The following OR4D1 variants were observed in gnomAD, a reference collection of about 807,000 sequenced individuals.
OR4D1 encodes the protein olfactory receptor 4D1.
In OR4D1, 10 loss-of-function variants were observed where a neutral mutation model predicts 14.2. The observed-to-expected ratio is 0.71, with a 90% CI of 0.44 to 1.20. The LOEUF (loss-of-function observed/expected upper bound fraction) is 1.20, where lower values mean the gene tolerates loss of function less well. Ranked by LOEUF, OR4D1 falls within the 50% of genes most tolerant of loss-of-function variation. The probability of loss-of-function intolerance (pLI) is 0.00; values close to 1 mark genes in which losing one functional copy is unlikely to be tolerated. For synonymous variants in OR4D1, 141 were observed against 147.4 expected (o/e 0.96, Z 0.32); for missense variants, 345 against 376.6 (o/e 0.92, Z 0.70).
chr17:58,151,134 A>G (rs1302325389), intron 2 of OR4D1, among the ~76,000 whole-genome samples: 1 of 152,156 alleles, frequency 6.6e-6, no homozygotes, highest in African/African-American at 2.4e-5. Context: ...ACTATAGTTT[A>G]TCAAAATATT....
chr17:58,153,434 T>C (rs192264455), intron 2 of OR4D1, among the ~76,000 whole-genome samples: 37 of 152,366 alleles, frequency 2.4e-4, no homozygotes, highest in Non-Finnish European at 2.8e-4. Context: ...TTTGCACAAA[T>C]ATCTGAGGAT....
rs1397973628 is a variant in OR4D1 at position 58,155,149 on chromosome 17, A to T, written c.-5A>T. On this transcript the variant is annotated 5_prime_UTR_variant, in exon 4 of 4. Transcript: ENST00000268912. ...TTTCTCTGTAGGAACGTGGGGGAAG[A>T]TCCTATGGAACCACAGAACACCACA... The T allele has an allele frequency of 6.3e-7, 1 of 1,598,212 alleles. No individual in the cohort carries two copies. Among genetic ancestry groups the T allele is most frequent in the Non-Finnish European group, 8.6e-7 (1 of 1,169,580 alleles).
chr17:58,156,768 C>G lies in OR4D1; in HGVS notation c.*682C>G. On this transcript the variant is annotated 3_prime_UTR_variant, in exon 4 of 4. Transcript: ENST00000268912. ...AATGGGATTTGAAACTCAAGAGTTT[C>G]CTGCGACCACAAGAGAAAACCTAGA... 2 of 187,136 alleles carry G rather than the reference C, an allele frequency of 1.1e-5. No individual in the cohort carries two copies. The highest frequency in any genetic ancestry group is 2.2e-5 in the Non-Finnish European group (2 of 90,748). 11.6% of individuals were successfully genotyped at this position (187,136 alleles called of 1,614,324 possible).
Position 58,156,970 on chromosome 17 carries a change from G to A in OR4D1, c.*884G>A, listed in dbSNP as rs1967783062. On this transcript the variant is annotated 3_prime_UTR_variant, in exon 4 of 4. Transcript: ENST00000268912. ...CAAAAAAAGTTTGAGTCGCCGCTGC[G>A]GGTTGCTAGCGGAGTCGCGCGTCGG... 7 of 706,206 alleles carry A rather than the reference G, an allele frequency of 9.9e-6. No homozygotes were observed. Among genetic ancestry groups the A allele is most frequent in the Admixed American group, 4.2e-5 (2 of 47,736 alleles). 43.7% of individuals were successfully genotyped at this position (706,206 alleles called of 1,614,324 possible). A position where few individuals can be genotyped will look rare whatever the true frequency, so the allele number is the denominator to read the frequency against.
At position 58,157,179 on chromosome 17, in the gene OR4D1, G is replaced by T; in HGVS notation, c.*1093G>T. On this transcript the variant is annotated 3_prime_UTR_variant, in exon 4 of 4. Transcript: ENST00000268912. Reference sequence around the variant, plus strand: ...CGTGTCGGACAAGAAGCCGCCCAAGGAGGCATCCCCAGTGCCGGCCAAAAG... The same window carrying T: ...CGTGTCGGACAAGAAGCCGCCCAAGTAGGCATCCCCAGTGCCGGCCAAAAG... 1 of 1,464,444 alleles carries T rather than the reference G, an allele frequency of 6.8e-7. No homozygotes were observed. The highest frequency in any genetic ancestry group is 9.0e-7 in the Non-Finnish European group (1 of 1,105,318). 90.7% of individuals were successfully genotyped at this position (1,464,444 alleles called of 1,614,324 possible).
chr17:58,153,822 C>G (rs544975326), intron 2 of OR4D1, among the ~76,000 whole-genome samples, 35 bp from the exon 3 acceptor site: 1 of 152,258 alleles, frequency 6.6e-6, no homozygotes, highest in South Asian at 2.1e-4. Flanking sequence ...AGAATCATGT[C>G]TCCCTTCATG....
In OR4D1 at chr17:58,157,882, A is replaced by T; in HGVS notation, c.*1796A>T. On this transcript the variant is annotated 3_prime_UTR_variant, in exon 4 of 4. Transcript: ENST00000268912. ...TCTCCCTCTCCAAGAAGGCAGGACC[A>T]GCCAATACTCCTGTTCTGCAAACCC... 1 of 1,373,734 alleles carries T rather than the reference A, an allele frequency of 7.3e-7. No homozygotes were observed. Among genetic ancestry groups the T allele is most frequent in the Non-Finnish European group, 1.0e-6 (1 of 976,104 alleles). The allele number at this position is 1,373,734 out of a possible 1,614,324, so 85.1% of individuals were successfully genotyped here.
At position 58,155,949 on chromosome 17, in the gene OR4D1, C is replaced by T. The variant is rs200558182; in HGVS notation, c.796C>T (p.Leu266Phe). 7 of 1,613,994 alleles carry T rather than the reference C, an allele frequency of 4.3e-6. No individual in the cohort carries two copies. Among genetic ancestry groups the T allele is most frequent in the Admixed American group, 1.7e-5 (1 of 60,006 alleles). Residue 266 changes from leucine (L) to phenylalanine (F), a missense_variant, in exon 4 of 4, where the codon CTC becomes TTC. Coordinates refer to ENST00000268912, the MANE Select transcript of OR4D1 (RefSeq NM_001386095.1). Reference protein sequence around the residue: ...YIYTWPFTPFLMDKAVSISYT... With the variant: ...YIYTWPFTPFFMDKAVSISYT... ...CTATACCTGGCCCTTCACCCCATTC[C>T]TCATGGACAAGGCTGTGTCCATCAG...
At chr17:58,150,559 G>T (rs2143655802) in intron 2 of OR4D1, among the ~76,000 whole-genome samples, 1 of 152,296 alleles carries the variant, frequency 6.6e-6, no homozygotes, top group Admixed American at 6.5e-5. Context: ...TTAGAGTAAA[G>T]AAGTAGCAAG....
chr17:58,156,972 G>C lies in OR4D1; in HGVS notation c.*886G>C. The C allele has an allele frequency of 1.4e-6, 1 of 712,886 alleles. No homozygotes were observed. Among genetic ancestry groups the C allele is most frequent in the Non-Finnish European group, 2.5e-6 (1 of 405,140 alleles). The allele number at this position is 712,886 out of a possible 1,614,324, so 44.2% of individuals were successfully genotyped here. A position where few individuals can be genotyped will look rare whatever the true frequency, so the allele number is the denominator to read the frequency against. The stretch of plus-strand genomic sequence containing the variant: ...AAAAAAGTTTGAGTCGCCGCTGCGG[G>C]TTGCTAGCGGAGTCGCGCGTCGGGA... On this transcript the variant is annotated 3_prime_UTR_variant, in exon 4 of 4. Transcript: ENST00000268912.
Position 58,155,175 on chromosome 17 carries a change from C to T in OR4D1, c.22C>T (p.Gln8Ter), listed in dbSNP as rs1967750082. The T allele has an allele frequency of 6.2e-7, 1 of 1,613,676 alleles. No homozygotes were observed. The highest frequency in any genetic ancestry group is 8.5e-7 in the Non-Finnish European group (1 of 1,179,614). The change falls in exon 4 of 4, where the codon CAG (glutamine) becomes TAG (stop). Residue 8 changes from glutamine (Q) to a stop codon, truncating the protein, a stop_gained. Transcript: ENST00000268912. LOFTEE classifies it high-confidence loss of function. MEPQNTT[Q>*]VSMFVLLGFS... Reference sequence around the variant, plus strand: ...TCCTATGGAACCACAGAACACCACACAGGTATCAATGTTTGTCCTCTTAGG... The same window carrying T: ...TCCTATGGAACCACAGAACACCACATAGGTATCAATGTTTGTCCTCTTAGG...
intron 2 of OR4D1, among the ~76,000 whole-genome samples, chr17:58,151,503 G>A (rs1967704980): frequency 6.6e-6 from 1 of 152,150 alleles, no homozygotes; most frequent in Non-Finnish European, 1.5e-5. Context: ...ACTTGTAAGT[G>A]AGAACACTCT....
rs1259800007 is a variant in OR4D1, at chr17:58,149,721, G to C, written c.-202G>C. ...AGCAATTCAGATGCGGCACTGACTG[G>C]ATGAAGGCACTGAGACCTGAGGGAC... On this transcript the variant is annotated 5_prime_UTR_variant, in exon 2 of 4. Transcript: ENST00000268912. 1 of 152,356 alleles carries C rather than the reference G, an allele frequency of 6.6e-6. No homozygotes were observed. Among genetic ancestry groups the C allele is most frequent in the Non-Finnish European group, 1.5e-5 (1 of 68,156 alleles). 9.4% of individuals were successfully genotyped at this position (152,356 alleles called of 1,614,324 possible).
chr17:58,157,864 C>T lies in OR4D1; in HGVS notation c.*1778C>T. The T allele has an allele frequency of 1.3e-6, 2 of 1,505,512 alleles. No homozygotes were observed. Among genetic ancestry groups the T allele is most frequent in the East Asian group, 2.3e-5 (1 of 44,336 alleles). The allele number at this position is 1,505,512 out of a possible 1,614,324, so 93.3% of individuals were successfully genotyped here. Reference sequence around the variant, plus strand: ...TTGTTTCAAAGGGTTTCCTCTCCCTCTCCAAGAAGGCAGGACCAGCCAATA... The same window carrying T: ...TTGTTTCAAAGGGTTTCCTCTCCCTTTCCAAGAAGGCAGGACCAGCCAATA... On this transcript the variant is annotated 3_prime_UTR_variant, in exon 4 of 4. Transcript: ENST00000268912.
intron 2 of OR4D1, among the ~76,000 whole-genome samples, chr17:58,152,950 A>T (rs1967721817): frequency 6.6e-6 from 1 of 152,182 alleles, no homozygotes; most frequent in Admixed American, 6.5e-5. Flanking sequence ...AAGAAAAAGT[A>T]TGGTGGTTGT....
Position 58,157,997 on chromosome 17 carries a change from C to A in OR4D1, c.*1911C>A. 1 of 475,850 alleles carries A rather than the reference C, an allele frequency of 2.1e-6. No individual in the cohort carries two copies. Among genetic ancestry groups the A allele is most frequent in the Non-Finnish European group, 3.7e-6 (1 of 268,082 alleles). 29.5% of individuals were successfully genotyped at this position (475,850 alleles called of 1,614,324 possible). A position where few individuals can be genotyped will look rare whatever the true frequency, so the allele number is the denominator to read the frequency against. ...AGGCGGAGGCACCAAGCCTTGTTTT[C>A]TTGGTGTAATCTTCCAGGTGCCCCC... On this transcript the variant is annotated 3_prime_UTR_variant, in exon 4 of 4. Coordinates refer to ENST00000268912, the MANE Select transcript of OR4D1 (RefSeq NM_001386095.1).
Position 58,155,268 on chromosome 17 carries a change from A to G in OR4D1, c.115A>G (p.Ile39Val), listed in dbSNP as rs1280732116. The G allele has an allele frequency of 1.9e-6, 3 of 1,614,006 alleles. No individual in the cohort carries two copies. Among genetic ancestry groups the G allele is most frequent in the Admixed American group, 1.7e-5 (1 of 60,008 alleles). ...LLFLLVYVTT[I>V]VGNLLIMVTV... The stretch of plus-strand genomic sequence containing the variant: ...GTTCCTGTTAGTCTATGTTACCACC[A>G]TTGTGGGAAACCTCCTTATCATGGT... Residue 39 changes from isoleucine (I) to valine (V), a missense_variant, in exon 4 of 4, where the codon ATT becomes GTT. Physicochemically the swap from Ile to Val is conservative, Grantham distance 29. Transcript: ENST00000268912.
At position 58,158,012 on chromosome 17, in the gene OR4D1, C is replaced by T; in HGVS notation, c.*1926C>T. On this transcript the variant is annotated 3_prime_UTR_variant, in exon 4 of 4. Transcript: ENST00000268912. ...GCCTTGTTTTCTTGGTGTAATCTTC[C>T]AGGTGCCCCCTTCTCCTTTCACAAA... is the stretch of plus-strand genomic sequence containing the variant. The T allele has an allele frequency of 2.4e-6, 1 of 421,310 alleles. No individual in the cohort carries two copies. Among genetic ancestry groups the T allele is most frequent in the Non-Finnish European group, 4.2e-6 (1 of 236,112 alleles). 26.1% of individuals were successfully genotyped at this position (421,310 alleles called of 1,614,324 possible).
At chr17:58,154,884 T>C (rs888356025) in intron 3 of OR4D1, among the ~76,000 whole-genome samples, 1 of 152,182 alleles carries the variant, frequency 6.6e-6, no homozygotes, top group Non-Finnish European at 1.5e-5. Flanking sequence ...AACCTGTGGT[T>C]GAGGACAGCA....
Sources: allele counts gnomAD v4.1 joint callset (sites outside exome capture counted in the v4.1 genomes callset), GRCh38; gene constraint gnomAD v4.1.1; transcripts MANE v1.5; gene names NCBI Gene and HGNC (gene_info 2026-07-23, HGNC 2026-07-21).